JDP2: variants seen among roughly 807,000 people sequenced by gnomAD.
JDP2 encodes Jun dimerization protein 2, also known as progesterone receptor co-activator.
A neutral mutation model predicts 17.1 loss-of-function variants in JDP2; 9 were observed. The observed-to-expected ratio is 0.53, with a 90% confidence interval of 0.32 to 0.92. The LOEUF is 0.92. JDP2 is among the 40% of genes least tolerant of loss of function. The probability of loss-of-function intolerance (pLI) is 0.04; values close to 1 mark genes in which losing one functional copy is unlikely to be tolerated. For synonymous variants in JDP2, 107 were observed against 95.6 expected (o/e 1.12, Z -0.69); for missense variants, 179 against 220.0 (o/e 0.81, Z 1.18).
intron 2 of JDP2, among the ~76,000 whole-genome samples, chr14:75,443,078 G>A (rs979673323): frequency 1.3e-5 from 2 of 151,988 alleles, no homozygotes; most frequent in African/African-American, 4.8e-5. Flanking sequence ...ATCTTCTCCA[G>A]GGTCCCTGGA....
At chr14:75,461,132 G>C (rs371486339) in intron 2 of JDP2, among the ~76,000 whole-genome samples, 14 of 152,172 alleles carry the variant, frequency 9.2e-5, no homozygotes, top group Admixed American at 9.2e-4. Flanking sequence ...TCTCAACACT[G>C]TTGCATTGGG....
At chr14:75,462,777 C>G (rs757958582) in intron 3 of JDP2, among the ~76,000 whole-genome samples, 1 of 152,162 alleles carries the variant, frequency 6.6e-6, no homozygotes, top group East Asian at 1.9e-4. Context: ...ACACTTGCAA[C>G]AAGCAGAGAG....
intron 2 of JDP2, among the ~76,000 whole-genome samples, chr14:75,439,155 G>A (rs1424271496): frequency 6.6e-6 from 1 of 152,200 alleles, no homozygotes; most frequent in Non-Finnish European, 1.5e-5. Flanking sequence ...GGAGAAGGGT[G>A]TCTGGGTACC....
intron 2 of JDP2, among the ~76,000 whole-genome samples, chr14:75,441,804 C>G (rs1420316864): frequency 3.9e-5 from 6 of 152,208 alleles, no homozygotes; most frequent in Non-Finnish European, 7.3e-5. Context: ...TCTGTAGCCC[C>G]TCACAGCTGG....
Position 75,472,505 on chromosome 14 carries a change from A to G in JDP2, c.*3030A>G, listed in dbSNP as rs1278943719. 1 of 152,226 alleles carries G rather than the reference A, an allele frequency of 6.6e-6. No homozygotes were observed. The highest frequency in any genetic ancestry group is 1.5e-5 in the Non-Finnish European group (1 of 68,044). 9.4% of individuals were successfully genotyped at this position (152,226 alleles called of 1,614,324 possible). A position where few individuals can be genotyped will look rare whatever the true frequency, so the allele number is the denominator to read the frequency against. ...CCAAGTCTCAGGCAAACCATCTCCA[A>G]GGGTGTTCACAGAAGACACACCTTA... On this transcript the variant is annotated 3_prime_UTR_variant, in exon 4 of 4. Coordinates refer to ENST00000651602, the MANE Select transcript of JDP2 (RefSeq NM_001135048.2).
In JDP2 at chr14:75,469,702, T is replaced by C; in HGVS notation, c.*227T>C. On this transcript the variant is annotated 3_prime_UTR_variant, in exon 4 of 4. Coordinates refer to ENST00000651602, the MANE Select transcript of JDP2 (RefSeq NM_001135048.2). ...AGGGACCAAGCGCTGAGACCAAAGT[T>C]GACCCTCGGGTAGGGTTGTCCTGCC... The C allele has an allele frequency of 1.9e-6, 1 of 524,206 alleles. No homozygotes were observed. 32.5% of individuals were successfully genotyped at this position (524,206 alleles called of 1,614,324 possible).
chr14:75,465,817 C>T (rs998512031), intron 3 of JDP2, among the ~76,000 whole-genome samples: 1 of 152,168 alleles, frequency 6.6e-6, no homozygotes, highest in Non-Finnish European at 1.5e-5. Flanking sequence ...GGAGGCAGAA[C>T]CTTAATATGC....
At position 75,445,608 on chromosome 14, in the gene JDP2, G is replaced by A. The variant is rs1027724143; in HGVS notation, c.201+7487G>A. The A allele has an allele frequency of 1.3e-5, 13 of 984,666 alleles. No individual in the cohort carries two copies. In the African/African-American group the frequency reaches 2.3e-4, roughly 17 times the overall value. 61.0% of individuals were successfully genotyped at this position (984,666 alleles called of 1,614,324 possible). The stretch of plus-strand genomic sequence containing the variant: ...TGTTTGAAATTCAGTTTCGTCCCTT[G>A]TAAAAATAGGGGAAATAGACCCCTA... On this transcript the variant is annotated intron_variant, in intron 2 of 3. Coordinates refer to ENST00000651602, the MANE Select transcript of JDP2 (RefSeq NM_001135048.2).
chr14:75,469,688 G>C lies in JDP2; in HGVS notation c.*213G>C. On this transcript the variant is annotated 3_prime_UTR_variant, in exon 4 of 4. Coordinates refer to ENST00000651602, the MANE Select transcript of JDP2 (RefSeq NM_001135048.2). ...CTGAGGAAACCCAGAGGGACCAAGC[G>C]CTGAGACCAAAGTTGACCCTCGGGT... 2 of 558,164 alleles carry C rather than the reference G, an allele frequency of 3.6e-6. No individual in the cohort carries two copies. Among genetic ancestry groups the C allele is most frequent in the Non-Finnish European group, 3.2e-6 (1 of 314,194 alleles). 34.6% of individuals were successfully genotyped at this position (558,164 alleles called of 1,614,324 possible).
intron 1 of JDP2, among the ~76,000 whole-genome samples, chr14:75,431,258 C>T (rs1483190554): frequency 6.6e-6 from 1 of 152,212 alleles, no homozygotes; most frequent in African/African-American, 2.4e-5. Flanking sequence ...TGAGCGCCTA[C>T]ATTAGGCAGA....
Position 75,445,445 on chromosome 14 carries a change from G to A in JDP2, c.201+7324G>A, listed in dbSNP as rs1358907418. 1.0e-5 allele frequency: 10 copies of A among 985,168 alleles called. No homozygotes were observed. The South Asian group carries it at 1.4e-4, about 14-fold the overall frequency. The allele number at this position is 985,168 out of a possible 1,614,324, so 61.0% of individuals were successfully genotyped here. ...TGTGTATGCTCTGACAAACTCCTCCGTGGTTTGCCTCTGTAGTCCTCCCTA... is the reference window on the plus strand; with the variant it reads ...TGTGTATGCTCTGACAAACTCCTCCATGGTTTGCCTCTGTAGTCCTCCCTA... On this transcript the variant is annotated intron_variant, in intron 2 of 3. Coordinates refer to ENST00000651602, the MANE Select transcript of JDP2 (RefSeq NM_001135048.2).
chr14:75,432,642 G>A (rs1044737922), intron 1 of JDP2, among the ~76,000 whole-genome samples: 3 of 152,246 alleles, frequency 2.0e-5, no homozygotes, highest in East Asian at 1.9e-4. Flanking sequence ...CCTATTCCTC[G>A]TGGCAGCCCA....
At chr14:75,462,813 A>G (rs754998269) in intron 3 of JDP2, among the ~76,000 whole-genome samples, 2 of 152,056 alleles carry the variant, frequency 1.3e-5, no homozygotes, top group Non-Finnish European at 2.9e-5. Flanking sequence ...GGGTGTAGAC[A>G]GCATGGGGCC....
chr14:75,434,329 A>G (rs181622386), intron 1 of JDP2, among the ~76,000 whole-genome samples: 2 of 152,112 alleles, frequency 1.3e-5, no homozygotes, highest in Non-Finnish European at 2.9e-5. Context: ...GTTTAGGATG[A>G]CTTCTGGCTG....
chr14:75,429,377 T>C (rs1884683663), intron 1 of JDP2, among the ~76,000 whole-genome samples: 3 of 152,080 alleles, frequency 2.0e-5, no homozygotes, highest in Admixed American at 2.0e-4. Flanking sequence ...TAGGCGTGTG[T>C]ACCCAGGCTT....
At chr14:75,446,182 C>T (rs780932124) in intron 2 of JDP2, among the ~76,000 whole-genome samples, 15 of 152,188 alleles carry the variant, frequency 9.9e-5, no homozygotes, top group Non-Finnish European at 2.1e-4. Flanking sequence ...TGTGGAGAAG[C>T]TGTCGTCATG....
intron 2 of JDP2, chr14:75,445,636 T>C: frequency 1.1e-6 from 1 of 944,628 alleles, no homozygotes; most frequent in Non-Finnish European, 1.3e-6. Context: ...GACCCCTACC[T>C]AGTACCTAGT....
At position 75,469,591 on chromosome 14, in the gene JDP2, A is replaced by G. The variant is rs550220946; in HGVS notation, c.*116A>G. The G allele has an allele frequency of 2.3e-6, 2 of 880,950 alleles. No homozygotes were observed. Among genetic ancestry groups the G allele is most frequent in the Non-Finnish European group, 3.4e-6 (2 of 581,032 alleles). 54.6% of individuals were successfully genotyped at this position (880,950 alleles called of 1,614,324 possible). On this transcript the variant is annotated 3_prime_UTR_variant, in exon 4 of 4. Coordinates refer to ENST00000651602, the MANE Select transcript of JDP2 (RefSeq NM_001135048.2). ...TTGGTGCATGAAAAACTGTACAATGAGGTTCAGCACAGCCAGCATCAGCCG... is the reference window on the plus strand; with the variant it reads ...TTGGTGCATGAAAAACTGTACAATGGGGTTCAGCACAGCCAGCATCAGCCG...
intron 2 of JDP2, among the ~76,000 whole-genome samples, chr14:75,455,614 G>A (rs1432883406): frequency 1.3e-5 from 2 of 152,088 alleles, no homozygotes; most frequent in Non-Finnish European, 2.9e-5. Flanking sequence ...CCTCCCTGCT[G>A]GGCACCCATT....
Sources: allele counts gnomAD v4.1 joint callset (sites outside exome capture counted in the v4.1 genomes callset), GRCh38; gene constraint gnomAD v4.1.1; transcripts MANE v1.5; gene names NCBI Gene and HGNC (gene_info 2026-07-23, HGNC 2026-07-21).